TCF12: variants seen among roughly 807,000 people sequenced by gnomAD.
TCF12 encodes the protein DNA-binding protein HTF4.
In TCF12, 45 loss-of-function variants were observed where a neutral mutation model predicts 86.0. That is an observed-to-expected ratio of 0.52 (90% confidence interval 0.41 to 0.67). TCF12 has a LOEUF of 0.67. TCF12 is among the 30% of genes least tolerant of loss of function. The pLI, the probability that TCF12 is intolerant of heterozygous loss-of-function variation, is 0.00. For synonymous variants in TCF12, 330 were observed against 299.6 expected (o/e 1.10, Z -1.05); for missense variants, 881 against 859.9 (o/e 1.02, Z -0.31).
At chr15:56,922,523 G>T (rs1477958981) in intron 3 of TCF12, among the ~76,000 whole-genome samples, 1 of 151,966 alleles carries the variant, frequency 6.6e-6, no homozygotes, top group Non-Finnish European at 1.5e-5. Context: ...TATAAGCATG[G>T]CATTGGAGCA....
intron 7 of TCF12, among the ~76,000 whole-genome samples, chr15:57,196,444 A>G (rs28536671): frequency 0.24 from 36,172 of 152,072 alleles, 4,858 homozygotes; most frequent in African/African-American, 0.37. Context: ...ATACTGAGGA[A>G]TGATTGTGCT....
chr15:57,064,795 C>CAAAAAAAAAAAAAAAAAAAAAAAAAA (rs1177544594), intron 4 of TCF12, among the ~76,000 whole-genome samples: 2 of 78,062 alleles, frequency 2.6e-5, no homozygotes, highest in Admixed American at 1.9e-4. Context: ...GACTCCATCT[C>CAAAAAAAAAAAAAAAAAAAAAAAAAA]AAAAAAAAAA....
chr15:57,058,972 A>G (rs2068238402), intron 3 of TCF12, among the ~76,000 whole-genome samples: 1 of 152,242 alleles, frequency 6.6e-6, no homozygotes, highest in Admixed American at 6.5e-5. Flanking sequence ...TACAAATAGA[A>G]TTGAATAAAG....
At chr15:57,052,980 TG>T (rs2067745800) in intron 3 of TCF12, among the ~76,000 whole-genome samples, 1 of 152,144 alleles carries the variant, frequency 6.6e-6, no homozygotes, top group African/African-American at 2.4e-5. Flanking sequence ...TATCTAGTAG[TG>T]GGATTGCTGG....
At chr15:57,263,346 C>A in intron 18 of TCF12, 72 bp downstream of exon 18, 1 of 1,481,186 alleles carries the variant, frequency 6.8e-7, no homozygotes, top group South Asian at 1.2e-5. Context: ...AGCTGGGTGT[C>A]ATGCATTTAT....
chr15:57,170,658 AAAAT>A (rs2055276271), intron 6 of TCF12, among the ~76,000 whole-genome samples: 1 of 32,634 alleles, frequency 3.1e-5, no homozygotes, highest in African/African-American at 1.1e-4. Flanking sequence ...TATATTATAT[AAAAT>A]ATATATATAT....
At chr15:57,106,467 T>C (rs2050139190) in intron 5 of TCF12, among the ~76,000 whole-genome samples, 1 of 152,216 alleles carries the variant, frequency 6.6e-6, no homozygotes, top group African/African-American at 2.4e-5. Context: ...AGAGTATCTC[T>C]GAAAGAATAT....
intron 20 of TCF12, among the ~76,000 whole-genome samples, chr15:57,285,270 A>C (rs1165032556): frequency 6.6e-6 from 1 of 152,210 alleles, no homozygotes; most frequent in African/African-American, 2.4e-5. Context: ...CCCTAAGAGC[A>C]TTGCTGTGTA....
chr15:56,934,382 G>C (rs1353453988), intron 3 of TCF12, among the ~76,000 whole-genome samples: 3 of 152,198 alleles, frequency 2.0e-5, no homozygotes, highest in Admixed American at 6.5e-5. Flanking sequence ...ACTCCTGAGT[G>C]AGGAGGAGAC....
chr15:57,000,497 T>C (rs890113908), intron 3 of TCF12, among the ~76,000 whole-genome samples: 1 of 152,168 alleles, frequency 6.6e-6, no homozygotes, highest in Non-Finnish European at 1.5e-5. Flanking sequence ...AAAGCAGTGC[T>C]TGGAAGGAAG....
chr15:57,030,168 A>G (rs1055073531), intron 3 of TCF12, among the ~76,000 whole-genome samples: 6 of 152,212 alleles, frequency 3.9e-5, no homozygotes, highest in Non-Finnish European at 8.8e-5. Context: ...TTGATTAATC[A>G]GTTGATTAAT....
At chr15:57,083,610 G>C (rs1320287566) in intron 4 of TCF12, among the ~76,000 whole-genome samples, 5 of 151,808 alleles carry the variant, frequency 3.3e-5, no homozygotes, top group African/African-American at 1.2e-4. Flanking sequence ...TTTGAGATGA[G>C]CTCTGGCTCT....
chr15:56,945,532 T>A (rs2060957729), intron 3 of TCF12, among the ~76,000 whole-genome samples: 1 of 152,104 alleles, frequency 6.6e-6, no homozygotes, highest in Non-Finnish European at 1.5e-5. Context: ...AATTCTAGAT[T>A]GACCTTTTTT....
At position 57,071,458 on chromosome 15, in the gene TCF12, A is replaced by C. The variant is rs933532865; in HGVS notation, c.222+7635A>C. 3.9e-5 allele frequency among the ~76,000 whole-genome samples: 6 copies of C among 152,108 alleles called. No homozygotes were observed. In the East Asian group the frequency reaches 9.6e-4, roughly 24 times the overall value. ...CCAGGAGTTCAACACCAGCCTCTGC[A>C]ACATGGCAAAACCCCATCTCTTAAA... On this transcript the variant is annotated intron_variant, in intron 4 of 20. Coordinates refer to ENST00000333725, the MANE Select transcript of TCF12 (RefSeq NM_207037.2).
intron 3 of TCF12, among the ~76,000 whole-genome samples, chr15:57,037,135 A>G (rs1288439398): frequency 1.3e-5 from 2 of 152,152 alleles, no homozygotes; most frequent in Non-Finnish European, 2.9e-5. Context: ...GAAAAATGAC[A>G]TCCTGTGCAG....
At chr15:57,043,228 T>C (rs558443496) in intron 3 of TCF12, among the ~76,000 whole-genome samples, 1 of 152,338 alleles carries the variant, frequency 6.6e-6, no homozygotes, top group African/African-American at 2.4e-5. Flanking sequence ...ATTTTGGCTA[T>C]TCATATTTCA....
In TCF12 at chr15:57,286,359, G is replaced by T. The variant is rs576805973; in HGVS notation, c.*214G>T. 8.8e-6 allele frequency: 2 copies of T among 227,280 alleles called. No homozygotes were observed. Among genetic ancestry groups the T allele is most frequent in the African/African-American group, 4.6e-5 (2 of 43,578 alleles). The allele number at this position is 227,280 out of a possible 1,614,324, so 14.1% of individuals were successfully genotyped here. A position where few individuals can be genotyped will look rare whatever the true frequency, so the allele number is the denominator to read the frequency against. On this transcript the variant is annotated 3_prime_UTR_variant, in exon 21 of 21. Transcript: ENST00000333725. ...GTGAAGATAGGAAGCTCATCAGATA[G>T]AACATCAGCCCATGAGATGTTTGCA...
chr15:56,920,754 C>T (rs946651255), intron 2 of TCF12, among the ~76,000 whole-genome samples: 5 of 152,090 alleles, frequency 3.3e-5, no homozygotes, highest in Admixed American at 1.3e-4. Flanking sequence ...CAGTAAAGAT[C>T]ATGTGTAATA....
At chr15:57,022,078 GTATT>G (rs1283091047) in intron 3 of TCF12, among the ~76,000 whole-genome samples, 1 of 151,790 alleles carries the variant, frequency 6.6e-6, no homozygotes, top group East Asian at 1.9e-4. Flanking sequence ...ATGTATGTAT[GTATT>G]ATACTTTAAA....
Sources: allele counts gnomAD v4.1 joint callset (sites outside exome capture counted in the v4.1 genomes callset), GRCh38; gene constraint gnomAD v4.1.1; transcripts MANE v1.5; gene names NCBI Gene and HGNC (gene_info 2026-07-23, HGNC 2026-07-21).